AFG2A: variants seen among roughly 807,000 people sequenced by gnomAD.
AFG2A encodes the protein AAA ATPase AFG2A.
At chr4:123,055,070 T>G in the AFG2A span, among the ~76,000 whole-genome samples, 4 of 152,158 alleles carry the variant, frequency 2.6e-5, no homozygotes, top group Non-Finnish European at 4.4e-5. Flanking sequence ...CCTCCCACTT[T>G]AAGTAGCTTT....
At chr4:123,195,763 A>G in the AFG2A span, among the ~76,000 whole-genome samples, 9 of 152,276 alleles carry the variant, frequency 5.9e-5, no homozygotes, top group Admixed American at 2.6e-4. Context: ...CATCACTTCA[A>G]TAACTCTTCC....
chr4:123,115,194 C>G, the AFG2A span, among the ~76,000 whole-genome samples: 1 of 152,144 alleles, frequency 6.6e-6, no homozygotes, highest in African/African-American at 2.4e-5. Flanking sequence ...GGACCCGGCT[C>G]TCGGTGGCAG....
the AFG2A span, among the ~76,000 whole-genome samples, chr4:123,042,279 G>A: frequency 1.3e-5 from 2 of 152,204 alleles, no homozygotes; most frequent in Admixed American, 6.5e-5. Context: ...TCTTCTTAGG[G>A]TTTGCTGCTT....
the AFG2A span, among the ~76,000 whole-genome samples, chr4:123,123,654 A>G: frequency 6.6e-6 from 1 of 152,136 alleles, no homozygotes; most frequent in Non-Finnish European, 1.5e-5. Context: ...GATCATTAAA[A>G]AGTCAGGAAA....
chr4:122,963,569 AT>A, the AFG2A span, among the ~76,000 whole-genome samples: 1 of 152,182 alleles, frequency 6.6e-6, no homozygotes, highest in East Asian at 1.9e-4. Flanking sequence ...GATTAAGGAA[AT>A]TTCCCAAGAT....
chr4:122,956,716 C>T, the AFG2A span, among the ~76,000 whole-genome samples: 11 of 152,160 alleles, frequency 7.2e-5, no homozygotes, highest in African/African-American at 1.9e-4. Flanking sequence ...CTGCAAGCTC[C>T]GCCTATGAGG....
the AFG2A span, among the ~76,000 whole-genome samples, chr4:123,163,693 G>C: frequency 6.6e-6 from 1 of 152,140 alleles, no homozygotes; most frequent in East Asian, 1.9e-4. Flanking sequence ...GGAAGGGAGA[G>C]CTTCCCTTTT....
the AFG2A span, among the ~76,000 whole-genome samples, chr4:123,283,199 T>C: frequency 6.6e-6 from 1 of 152,182 alleles, no homozygotes; most frequent in African/African-American, 2.4e-5. Flanking sequence ...ATGATGTTTA[T>C]AAAATATTAA....
chr4:123,113,063 C>A, the AFG2A span, among the ~76,000 whole-genome samples: 6 of 152,164 alleles, frequency 3.9e-5, no homozygotes, highest in East Asian at 9.7e-4. Context: ...TGATGAGTAT[C>A]ATTGGCTTTT....
chr4:123,023,716 T>C, the AFG2A span, among the ~76,000 whole-genome samples: 112 of 152,108 alleles, frequency 7.4e-4, no homozygotes, highest in African/African-American at 2.3e-3. Flanking sequence ...GGGCCACACA[T>C]AAAATATACT....
chr4:123,030,158 G>A, the AFG2A span, among the ~76,000 whole-genome samples: 147 of 152,132 alleles, frequency 9.7e-4, 1 homozygote, highest in Middle Eastern at 0.014. Context: ...TTGTCTACTG[G>A]AAATCTAAAA....
the AFG2A span, among the ~76,000 whole-genome samples, chr4:122,978,203 G>A: frequency 5.3e-4 from 80 of 152,288 alleles, 1 homozygote; most frequent in South Asian, 1.0e-3. Context: ...GCTCTCAGCA[G>A]AGAGGAGACC....
At chr4:123,233,922 T>A in the AFG2A span, among the ~76,000 whole-genome samples, 1 of 151,848 alleles carries the variant, frequency 6.6e-6, no homozygotes, top group Non-Finnish European at 1.5e-5. Flanking sequence ...CTTATAGGTC[T>A]GCATTAGGTG....
the AFG2A span, among the ~76,000 whole-genome samples, chr4:123,156,881 G>A: frequency 6.6e-6 from 1 of 151,880 alleles, no homozygotes; most frequent in Non-Finnish European, 1.5e-5. Context: ...TATGAAAGGA[G>A]GGACTCATAT....
the AFG2A span, among the ~76,000 whole-genome samples, chr4:123,050,224 A>G: frequency 6.6e-6 from 1 of 152,162 alleles, no homozygotes; most frequent in African/African-American, 2.4e-5. Flanking sequence ...TGGTTAATGT[A>G]TGGTCTATCC....
At chr4:123,214,471 C>A in the AFG2A span, among the ~76,000 whole-genome samples, 1 of 151,908 alleles carries the variant, frequency 6.6e-6, no homozygotes, top group Non-Finnish European at 1.5e-5. Flanking sequence ...TTGAACACCA[C>A]AGGTTTGAAT....
chr4:123,186,419 CATT>C, the AFG2A span, among the ~76,000 whole-genome samples: 1 of 152,160 alleles, frequency 6.6e-6, no homozygotes, highest in Non-Finnish European at 1.5e-5. Flanking sequence ...AATTTGACAT[CATT>C]GTTTTTGCCT....
the AFG2A span, among the ~76,000 whole-genome samples, chr4:123,105,739 AGAAGTGGAGTGT>A: frequency 3.3e-5 from 5 of 152,358 alleles, no homozygotes; most frequent in East Asian, 7.7e-4. Context: ...AGCTAGAATT[AGAAGTGGAGTGT>A]GAAGTTGGGA....
the AFG2A span, among the ~76,000 whole-genome samples, chr4:123,012,925 C>T: frequency 6.6e-6 from 1 of 152,152 alleles, no homozygotes; most frequent in Non-Finnish European, 1.5e-5. Flanking sequence ...AGGCAGGCCC[C>T]CCTATCCGAG....
Sources: allele counts gnomAD v4.1 joint callset (sites outside exome capture counted in the v4.1 genomes callset), GRCh38; gene constraint gnomAD v4.1.1; transcripts MANE v1.5; gene names NCBI Gene and HGNC (gene_info 2026-07-23, HGNC 2026-07-21).